Variants in SHC3 observed in about 807,000 individuals in gnomAD.
SHC3 encodes SHC adaptor protein 3, also known as SHC-transforming protein 3.
Under a neutral mutation model 60.4 loss-of-function variants are expected in SHC3, and 15 were observed. The ratio of observed to expected loss-of-function variants is 0.25; its 90% CI spans 0.17 to 0.38. The LOEUF is 0.38. Among genes scored for constraint, SHC3 ranks in the 10% least tolerant of loss-of-function variants. The pLI, the probability that SHC3 is intolerant of heterozygous loss-of-function variation, is 1.00. For synonymous variants in SHC3, 294 were observed against 325.9 expected (o/e 0.90, Z 1.05); for missense variants, 677 against 786.1 (o/e 0.86, Z 1.66).
At chr9:89,062,146 A>T (rs76503542) in intron 6 of SHC3, among the ~76,000 whole-genome samples, 27 of 152,362 alleles carry the variant, frequency 1.8e-4, no homozygotes, top group Non-Finnish European at 3.8e-4. Flanking sequence ...TAAACAGTCC[A>T]TTTGGAACTG....
intron 6 of SHC3, among the ~76,000 whole-genome samples, chr9:89,064,703 C>G (rs1023739503): frequency 2.0e-5 from 3 of 151,990 alleles, no homozygotes; most frequent in Admixed American, 1.3e-4. Context: ...TCCGTATGGG[C>G]TATCTTAAAA....
intron 11 of SHC3, among the ~76,000 whole-genome samples, chr9:89,035,255 CAACAAAAAT>C (rs1333628772): frequency 2.0e-5 from 3 of 152,154 alleles, no homozygotes. Flanking sequence ...CTGATCTCCC[CAACAAAAAT>C]GTCTGTTCTT....
rs111775261 is a variant in SHC3 at position 89,008,581 on chromosome 9, C to T, written c.*4866G>A. 1,821 of 152,422 alleles carry T rather than the reference C, an allele frequency of 0.012. 15 individuals are homozygous for T. Among genetic ancestry groups the T allele is most frequent in the Non-Finnish European group, 0.019 (1,271 of 68,122 alleles). 9.4% of individuals were successfully genotyped at this position (152,422 alleles called of 1,614,324 possible). ...CTCACAGGGTGGTTCTGATGCCTGC[C>T]TTCCACTCGAAGTCTGCTTGTCACG... On this transcript the variant is annotated 3_prime_UTR_variant, in exon 12 of 12. Transcript: ENST00000375835.
intron 1 of SHC3, among the ~76,000 whole-genome samples, chr9:89,157,997 C>G (rs909367069): frequency 1.3e-5 from 2 of 151,628 alleles, no homozygotes; most frequent in African/African-American, 4.8e-5. Flanking sequence ...AATTGATTTC[C>G]TATATTTAAT....
In SHC3 at chr9:89,031,287, G is replaced by T. The variant is rs566041933; in HGVS notation, c.1656+6706C>A. Among the ~76,000 whole-genome samples, 3 of 152,260 alleles carry T rather than the reference G, an allele frequency of 2.0e-5. No homozygotes were observed. The South Asian group carries it at 6.2e-4, about 32-fold the overall frequency. On this transcript the variant is annotated intron_variant, in intron 11 of 11. Transcript: ENST00000375835. ...TCATTTAAGGTGTACAATTCAATGG[G>T]TTTCAGTATATTCGCAGATACATTC...
intron 1 of SHC3, among the ~76,000 whole-genome samples, chr9:89,169,588 C>G (rs1020083506): frequency 6.6e-6 from 1 of 152,228 alleles, no homozygotes; most frequent in African/African-American, 2.4e-5. Context: ...GGAATTTGGA[C>G]ATCCAGGCCA....
intron 11 of SHC3, among the ~76,000 whole-genome samples, chr9:89,035,153 C>T (rs940138570): frequency 6.6e-6 from 1 of 152,172 alleles, no homozygotes; most frequent in African/African-American, 2.4e-5. Context: ...TTGCGATGGC[C>T]CTCTGGTGTC....
intron 1 of SHC3, among the ~76,000 whole-genome samples, chr9:89,163,361 T>C (rs1405570456): frequency 6.6e-6 from 1 of 151,970 alleles, no homozygotes; most frequent in African/African-American, 2.4e-5. Flanking sequence ...CCAACAATGA[T>C]AGACTGGATT....
At chr9:89,084,745 C>T (rs1825501217) in intron 2 of SHC3, among the ~76,000 whole-genome samples, 1 of 152,204 alleles carries the variant, frequency 6.6e-6, no homozygotes, top group African/African-American at 2.4e-5. Flanking sequence ...ATCCACACTC[C>T]TCAGTTTTCC....
intron 1 of SHC3, among the ~76,000 whole-genome samples, chr9:89,160,599 G>A (rs1403421366): frequency 5.3e-5 from 8 of 152,136 alleles, no homozygotes; most frequent in Non-Finnish European, 1.0e-4. Context: ...TTAATTAGAG[G>A]TGGGGGCAAG....
intron 2 of SHC3, among the ~76,000 whole-genome samples, chr9:89,102,269 C>T (rs753237747): frequency 6.6e-6 from 1 of 152,042 alleles, no homozygotes; most frequent in Non-Finnish European, 1.5e-5. Context: ...TAAAAACCAC[C>T]TTTGGTTTTC....
In SHC3 at chr9:89,046,931, G is replaced by A; in HGVS notation, c.1026C>T (p.Tyr342=). 1 of 1,611,558 alleles carries A rather than the reference G, an allele frequency of 6.2e-7. No individual in the cohort carries two copies. The highest frequency in any genetic ancestry group is 1.1e-5 in the South Asian group (1 of 90,174). The change falls in exon 8 of 12, where the codon TAC becomes TAT. Residue 342 remains tyrosine (Y), a synonymous_variant. Coordinates refer to ENST00000375835, the MANE Select transcript of SHC3 (RefSeq NM_016848.6). ...GAGGCATCTTGCTTGGGATGCTGTT[G>A]TAGTATGGGTGGTCTGAGCCATCTC... ...EEGDGSDHPY[Y]NSIPSKMPPP...
chr9:89,160,594 T>C (rs1038544137), intron 1 of SHC3, among the ~76,000 whole-genome samples: 2 of 152,152 alleles, frequency 1.3e-5, no homozygotes, highest in Non-Finnish European at 2.9e-5. Context: ...TAATTTTAAT[T>C]AGAGGTGGGG....
Position 89,128,539 on chromosome 9 carries a change from C to T in SHC3, c.475-15913G>A, listed in dbSNP as rs534925456. Among the ~76,000 whole-genome samples, 18 of 152,288 alleles carry T rather than the reference C, an allele frequency of 1.2e-4. No individual in the cohort carries two copies. In the South Asian group the frequency reaches 3.7e-3, roughly 32 times the overall value. On this transcript the variant is annotated intron_variant, in intron 1 of 11. Coordinates refer to ENST00000375835, the MANE Select transcript of SHC3 (RefSeq NM_016848.6). ...ACACCTCATACAGCTCGGTGCCCCT[C>T]TGAGATGAAGTTTCCAGAGGAAGGA... is the stretch of plus-strand genomic sequence containing the variant.
chr9:89,021,976 C>A (rs931608139), intron 11 of SHC3, among the ~76,000 whole-genome samples: 1 of 152,194 alleles, frequency 6.6e-6, no homozygotes, highest in South Asian at 2.1e-4. Context: ...AGTCACACGA[C>A]TTGCCCGAGC....
intron 1 of SHC3, among the ~76,000 whole-genome samples, chr9:89,116,546 A>G (rs778500610): frequency 6.6e-6 from 1 of 152,192 alleles, no homozygotes; most frequent in Non-Finnish European, 1.5e-5. Flanking sequence ...CCCCAACACC[A>G]AAAGATGTGA....
intron 2 of SHC3, among the ~76,000 whole-genome samples, chr9:89,111,241 C>T (rs970407745): frequency 6.6e-6 from 1 of 152,208 alleles, no homozygotes; most frequent in Admixed American, 6.5e-5. Flanking sequence ...GTTGACAGTT[C>T]TCTCCCAATT....
At chr9:89,059,070 TGG>T in intron 6 of SHC3, among the ~76,000 whole-genome samples, 1 of 130,896 alleles carries the variant, frequency 7.6e-6, no homozygotes, top group Non-Finnish European at 1.6e-5. Flanking sequence ...GTGGAGGACG[TGG>T]TAAAGGACGT....
At chr9:89,095,883 C>T (rs1825693971) in intron 2 of SHC3, among the ~76,000 whole-genome samples, 1 of 152,102 alleles carries the variant, frequency 6.6e-6, no homozygotes, top group South Asian at 2.1e-4. Flanking sequence ...AGAATTCCTG[C>T]CTGAGGCTAT....
Sources: gnomAD v4.1 joint callset for allele counts (sites outside exome capture counted in the v4.1 genomes callset) on GRCh38, gnomAD v4.1.1 for gene constraint, MANE v1.5 for transcripts, NCBI Gene and HGNC (gene_info 2026-07-23, HGNC 2026-07-21) for gene names.